The following MTA3 variants were observed in gnomAD, a reference collection of about 807,000 sequenced individuals.
MTA3 encodes the protein metastasis-associated protein MTA3.
In MTA3, 34 loss-of-function variants were observed where a neutral mutation model predicts 83.5. That is an observed-to-expected ratio of 0.41 (90% CI 0.31 to 0.54). The LOEUF (loss-of-function observed/expected upper bound fraction) is 0.54, where lower values mean the gene tolerates loss of function less well. MTA3 is among the 20% of genes least tolerant of loss of function. MTA3 has a pLI of 0.33. For missense variants in MTA3, 761 were observed against 726.4 expected (o/e 1.05, Z -0.55); for synonymous variants, 303 against 252.7 (o/e 1.20, Z -1.89).
intron 16 of MTA3, among the ~76,000 whole-genome samples, chr2:42,733,484 A>T (rs1418630262): frequency 6.6e-6 from 1 of 152,228 alleles, no homozygotes; most frequent in South Asian, 2.1e-4. Context: ...GCCAAACCAT[A>T]TCAAGGCTCT....
intron 16 of MTA3, among the ~76,000 whole-genome samples, chr2:42,743,793 G>A (rs1262277524): frequency 2.0e-5 from 3 of 152,132 alleles, no homozygotes; most frequent in Non-Finnish European, 2.9e-5. Flanking sequence ...GAAAGCCATT[G>A]TACCAGTGAG....
At chr2:42,661,813 C>T (rs542638099) in intron 8 of MTA3, among the ~76,000 whole-genome samples, 1 of 152,162 alleles carries the variant, frequency 6.6e-6, no homozygotes, top group African/African-American at 2.4e-5. Flanking sequence ...CATATAAGGG[C>T]ACCTAAAGCA....
chr2:42,557,596 G>A (rs928581696), intron 2 of MTA3, among the ~76,000 whole-genome samples: 1 of 152,188 alleles, frequency 6.6e-6, no homozygotes, highest in Non-Finnish European at 1.5e-5. Flanking sequence ...CTTTGTAAAA[G>A]CAGCTCCTTG....
At chr2:42,555,852 A>G (rs1467005996) in intron 2 of MTA3, among the ~76,000 whole-genome samples, 1 of 152,048 alleles carries the variant, frequency 6.6e-6, no homozygotes, top group Non-Finnish European at 1.5e-5. Flanking sequence ...AGGGTGGATC[A>G]CCTGAGGTCA....
intron 7 of MTA3, among the ~76,000 whole-genome samples, chr2:42,658,285 C>G (rs573169882): frequency 6.6e-6 from 1 of 152,062 alleles, no homozygotes; most frequent in Admixed American, 6.6e-5. Context: ...TCATCTAACA[C>G]AAGTATCTCT....
chr2:42,521,750 T>C (rs1401339146), intron 2 of MTA3, among the ~76,000 whole-genome samples: 1 of 118,520 alleles, frequency 8.4e-6, no homozygotes, highest in Admixed American at 1.0e-4. Context: ...AATCTTTCTC[T>C]CTTTTTTTTT....
chr2:42,620,800 CT>C (rs769570267), intron 4 of MTA3, among the ~76,000 whole-genome samples: 111 of 152,316 alleles, frequency 7.3e-4, no homozygotes, highest in Middle Eastern at 6.8e-3. Context: ...AGCTGGTTAA[CT>C]CGAGAAAACA....
chr2:42,543,624 T>G (rs971105466), intron 2 of MTA3, among the ~76,000 whole-genome samples: 1 of 150,878 alleles, frequency 6.6e-6, no homozygotes, highest in Admixed American at 6.7e-5. Context: ...GGACTGGGAC[T>G]ATACTCACTT....
upstream of MTA3, among the ~76,000 whole-genome samples, chr2:42,564,292 A>C (rs1381324700): frequency 6.6e-6 from 1 of 152,224 alleles, no homozygotes. Flanking sequence ...CAAATGGCTG[A>C]GCTAGCTCCC....
chr2:42,553,621 G>A (rs1190639846), intron 2 of MTA3, among the ~76,000 whole-genome samples: 2 of 150,942 alleles, frequency 1.3e-5, no homozygotes, highest in Middle Eastern at 3.5e-3. Context: ...TGTAATCCCA[G>A]CTACTCGAGA....
In MTA3 at chr2:42,602,850, C is replaced by G. The variant is rs940238995; in HGVS notation, c.191-6608C>G. Among the ~76,000 whole-genome samples, 7 of 152,248 alleles carry G rather than the reference C, an allele frequency of 4.6e-5. No individual in the cohort carries two copies. In the East Asian group the frequency reaches 7.7e-4, roughly 17 times the overall value. On this transcript the variant is annotated intron_variant, in intron 3 of 16. Transcript: ENST00000405094. ...TTCTCTAATTACCAAAGACAGGGGCCCAGCCATCCACCCCCTTTCCCTTCT... is the reference window on the plus strand; with the variant it reads ...TTCTCTAATTACCAAAGACAGGGGCGCAGCCATCCACCCCCTTTCCCTTCT...
intron 16 of MTA3, among the ~76,000 whole-genome samples, chr2:42,751,090 T>C (rs1416514871): frequency 6.6e-6 from 1 of 152,196 alleles, no homozygotes; most frequent in Non-Finnish European, 1.5e-5. Context: ...ATTCTGTGGT[T>C]TCTTCTCTGA....
At chr2:42,538,756 A>ATTT (rs1676377555) in intron 2 of MTA3, among the ~76,000 whole-genome samples, 1 of 117,446 alleles carries the variant, frequency 8.5e-6, no homozygotes, top group African/African-American at 3.3e-5. Flanking sequence ...AAAGAAAAAA[A>ATTT]TGTTTTTTTT....
intron 2 of MTA3, among the ~76,000 whole-genome samples, chr2:42,554,284 T>C (rs1677274903): frequency 6.6e-6 from 1 of 152,194 alleles, no homozygotes; most frequent in South Asian, 2.1e-4. Flanking sequence ...CTACCTCTCC[T>C]CTTCCATTGG....
chr2:42,565,213 G>C (rs1402484220), upstream of MTA3, among the ~76,000 whole-genome samples: 1 of 151,920 alleles, frequency 6.6e-6, no homozygotes, highest in Non-Finnish European at 1.5e-5. Context: ...TTGAGACAGA[G>C]TCTTGCTCTA....
At chr2:42,621,018 ATGT>A (rs1376934007) in intron 4 of MTA3, among the ~76,000 whole-genome samples, 1 of 151,624 alleles carries the variant, frequency 6.6e-6, no homozygotes, top group Non-Finnish European at 1.5e-5. Context: ...TCAAAACATC[ATGT>A]TGTACACTGT....
At chr2:42,516,078 C>G (rs562173395) in intron 2 of MTA3, among the ~76,000 whole-genome samples, 12 of 151,882 alleles carry the variant, frequency 7.9e-5, no homozygotes, top group African/African-American at 2.9e-4. Context: ...CCACGCCCAG[C>G]TGATTTTTTT....
chr2:42,510,370 G>C (rs574883186), intron 2 of MTA3, among the ~76,000 whole-genome samples: 1 of 150,916 alleles, frequency 6.6e-6, no homozygotes, highest in Non-Finnish European at 1.5e-5. Flanking sequence ...CCCAATCCTG[G>C]GTCAATGAGT....
Position 42,686,299 on chromosome 2 carries a change from A to G in MTA3, c.891+3710A>G, listed in dbSNP as rs576262564. On this transcript the variant is annotated intron_variant, in intron 9 of 16. Coordinates refer to ENST00000405094, the MANE Select transcript of MTA3 (RefSeq NM_001330442.2). Reference sequence around the variant, plus strand: ...ATAGCTTTATTCCGAAGCTTAATTTAACTTATTTCAAAATTTATACACAGT... The same window carrying G: ...ATAGCTTTATTCCGAAGCTTAATTTGACTTATTTCAAAATTTATACACAGT... Among the ~76,000 whole-genome samples, 27 of 152,360 alleles carry G rather than the reference A, an allele frequency of 1.8e-4. No homozygotes were observed. In the South Asian group the frequency reaches 5.0e-3, roughly 28 times the overall value.
Sources: gnomAD v4.1 joint callset for allele counts (sites outside exome capture counted in the v4.1 genomes callset) on GRCh38, gnomAD v4.1.1 for gene constraint, MANE v1.5 for transcripts, NCBI Gene and HGNC (gene_info 2026-07-23, HGNC 2026-07-21) for gene names.